The following DLGAP2 variants were observed in gnomAD, a reference collection of about 807,000 sequenced individuals.
DLGAP2 encodes the protein DLG associated protein 2, also known as disks large-associated protein 2.
In DLGAP2, 26 loss-of-function variants were observed where a neutral mutation model predicts 100.3. The ratio of observed to expected loss-of-function variants is 0.26; its 90% CI spans 0.19 to 0.36. The LOEUF (loss-of-function observed/expected upper bound fraction) is 0.36. Among genes scored for constraint, DLGAP2 ranks in the 10% least tolerant of loss-of-function variants. The probability of loss-of-function intolerance (pLI) is 1.00; values close to 1 mark genes in which losing one functional copy is unlikely to be tolerated. For missense variants in DLGAP2, 1,858 were observed against 1,453.2 expected, an observed-to-expected ratio of 1.28 and a Z score of -4.53; for synonymous variants, 886 against 630.1, an observed-to-expected ratio of 1.41 and a Z score of -6.08.
intron 3 of DLGAP2, among the ~76,000 whole-genome samples, chr8:1,332,613 T>C (rs1585268487): frequency 6.6e-6 from 1 of 152,238 alleles, no homozygotes; most frequent in Non-Finnish European, 1.5e-5. Context: ...AGAAGCACAC[T>C]CACCCCCTCC....
intron 2 of DLGAP2, among the ~76,000 whole-genome samples, chr8:1,178,351 G>T (rs1009357518): frequency 6.6e-6 from 1 of 152,154 alleles, no homozygotes; most frequent in African/African-American, 2.4e-5. Context: ...GGGTTGCGGA[G>T]GGGCGGCAGC....
chr8:1,546,384 C>A (rs931385466), intron 4 of DLGAP2, among the ~76,000 whole-genome samples: 3 of 152,218 alleles, frequency 2.0e-5, no homozygotes, highest in Non-Finnish European at 4.4e-5. Flanking sequence ...TCTTTACGTT[C>A]CCTTCTGCAT....
intron 6 of DLGAP2, among the ~76,000 whole-genome samples, chr8:1,600,500 C>T (rs996343719): frequency 2.0e-5 from 3 of 152,196 alleles, no homozygotes; most frequent in African/African-American, 7.2e-5. Context: ...CCGTCACTTT[C>T]AGGTACATTA....
At chr8:899,299 G>A (rs80174588) in intron 1 of DLGAP2, among the ~76,000 whole-genome samples, 1 of 152,362 alleles carries the variant, frequency 6.6e-6, no homozygotes, top group Non-Finnish European at 1.5e-5. Flanking sequence ...GCCAAAGGTG[G>A]CCTTCCCGTG....
rs540671766 is a variant in DLGAP2 at position 1,284,847 on chromosome 8, A to C, written c.106+25964A>C. Among the ~76,000 whole-genome samples, 3 of 152,110 alleles carry C rather than the reference A, an allele frequency of 2.0e-5. 1 individual carries two copies. The East Asian group carries it at 5.8e-4, about 29-fold the overall frequency. On this transcript the variant is annotated intron_variant, in intron 3 of 14. Coordinates refer to ENST00000637795, the MANE Select transcript of DLGAP2 (RefSeq NM_001346810.2). ...GCTGGTCTGGAACTTCTGGCCTCCC[A>C]CCTCAAAGTGCTGGGATTACAGGCA... is the stretch of plus-strand genomic sequence containing the variant.
chr8:1,194,731 C>T (rs1797712793), intron 2 of DLGAP2, among the ~76,000 whole-genome samples: 2 of 152,160 alleles, frequency 1.3e-5, no homozygotes, highest in Admixed American at 1.3e-4. Context: ...GTGGAGAGTC[C>T]CTGGGCCCGA....
At chr8:881,895 T>C (rs1797805671) in intron 1 of DLGAP2, among the ~76,000 whole-genome samples, 1 of 152,126 alleles carries the variant, frequency 6.6e-6, no homozygotes, top group Non-Finnish European at 1.5e-5. Flanking sequence ...AGAGAAAATA[T>C]AAATTCTCCC....
chr8:1,261,190 G>C (rs1489147146), intron 3 of DLGAP2, among the ~76,000 whole-genome samples: 1 of 151,734 alleles, frequency 6.6e-6, no homozygotes, highest in Admixed American at 6.6e-5. Flanking sequence ...GGGAGGGCAG[G>C]TCAGCTTCCA....
intron 3 of DLGAP2, among the ~76,000 whole-genome samples, chr8:1,468,580 G>A (rs1323084269): frequency 2.0e-5 from 3 of 152,224 alleles, no homozygotes; most frequent in Non-Finnish European, 4.4e-5. Context: ...GTGCCACCAG[G>A]TCAGGACCCC....
intron 2 of DLGAP2, among the ~76,000 whole-genome samples, chr8:1,258,267 C>T (rs1375541991): frequency 2.6e-5 from 4 of 152,174 alleles, no homozygotes; most frequent in Non-Finnish European, 5.9e-5. Flanking sequence ...ATTGTTATTT[C>T]ATCTAAGTAA....
intron 6 of DLGAP2, among the ~76,000 whole-genome samples, chr8:1,575,563 T>G (rs55715292): frequency 0.45 from 66,700 of 146,700 alleles, 15,352 homozygotes; most frequent in East Asian, 0.53. Flanking sequence ...TGGTGTGCTG[T>G]ACCCATTAAC....
intron 3 of DLGAP2, among the ~76,000 whole-genome samples, chr8:1,299,262 C>A (rs189274480): frequency 5.6e-4 from 86 of 152,316 alleles, no homozygotes; most frequent in African/African-American, 1.8e-3. Context: ...TCCACAGAGG[C>A]CCCCACCCGA....
rs563712967 is a variant in DLGAP2, at chr8:1,010,453, C to T, written c.73+102487C>T. Among the ~76,000 whole-genome samples, 22 of 152,356 alleles carry T rather than the reference C, an allele frequency of 1.4e-4. No individual in the cohort carries two copies. In the South Asian group the frequency reaches 4.1e-3, roughly 29 times the overall value. On this transcript the variant is annotated intron_variant, in intron 2 of 14. Coordinates refer to ENST00000637795, the MANE Select transcript of DLGAP2 (RefSeq NM_001346810.2). ...ATATGCACACACATACTCATATTCT[C>T]ACATATGTGTGCACACATGTGCACT...
chr8:794,682 C>T (rs939859113), intron 1 of DLGAP2, among the ~76,000 whole-genome samples: 6 of 152,210 alleles, frequency 3.9e-5, no homozygotes, highest in African/African-American at 1.4e-4. Context: ...GGCATTAGGG[C>T]CATTATGAAT....
At chr8:1,164,342 CCG>C (rs1342156173) in intron 2 of DLGAP2, among the ~76,000 whole-genome samples, 1 of 130,004 alleles carries the variant, frequency 7.7e-6, no homozygotes, top group African/African-American at 2.6e-5. Context: ...TTCTGTGAGC[CCG>C]CAGGGCCCGT....
chr8:765,907 G>A (rs997001673), intron 1 of DLGAP2, among the ~76,000 whole-genome samples: 3 of 152,092 alleles, frequency 2.0e-5, no homozygotes, highest in Admixed American at 2.0e-4. Flanking sequence ...GGTGGCTCAC[G>A]CCTGTAATCC....
chr8:1,417,368 C>T (rs1320444431), intron 3 of DLGAP2, among the ~76,000 whole-genome samples: 1 of 152,106 alleles, frequency 6.6e-6, no homozygotes, highest in Non-Finnish European at 1.5e-5. Context: ...AAGCTAGCAG[C>T]ACTGTCACTG....
intron 2 of DLGAP2, among the ~76,000 whole-genome samples, chr8:966,264 C>T (rs922490264): frequency 6.6e-6 from 1 of 152,284 alleles, no homozygotes. Context: ...CAGTTGTCCA[C>T]GTTGGGGTAT....
intron 3 of DLGAP2, among the ~76,000 whole-genome samples, chr8:1,304,278 G>T (rs150550515): frequency 6.6e-6 from 1 of 152,186 alleles, no homozygotes; most frequent in Non-Finnish European, 1.5e-5. Context: ...ACCGGCCACC[G>T]TGGCCCCACA....
Sources: gnomAD v4.1 joint callset for allele counts (sites outside exome capture counted in the v4.1 genomes callset) on GRCh38, gnomAD v4.1.1 for gene constraint, MANE v1.5 for transcripts, NCBI Gene and HGNC (gene_info 2026-07-23, HGNC 2026-07-21) for gene names.